The following MED19 variants were observed in gnomAD, a reference collection of about 807,000 sequenced individuals.
The protein encoded by MED19 is mediator complex subunit 19.
A neutral mutation model predicts 19.9 loss-of-function variants in MED19; 4 were observed. That is an observed-to-expected ratio of 0.20 (90% confidence interval 0.10 to 0.46). MED19 has a LOEUF of 0.46. Among genes scored for constraint, MED19 ranks in the 20% least tolerant of loss-of-function variants. The probability of loss-of-function intolerance (pLI) is 0.99; values close to 1 mark genes in which losing one functional copy is unlikely to be tolerated. For missense variants in MED19, 303 were observed against 318.7 expected, an observed-to-expected ratio of 0.95 and a Z score of 0.38; for synonymous variants, 139 against 119.6, an observed-to-expected ratio of 1.16 and a Z score of -1.06.
chr11:57,706,766 A>C (rs1340612711), intron 1 of MED19, among the ~76,000 whole-genome samples: 1 of 152,108 alleles, frequency 6.6e-6, no homozygotes, highest in South Asian at 2.1e-4. Context: ...CAACAAAAAC[A>C]AAAAAACAAG....
At chr11:57,710,372 T>C (rs575970663) in intron 1 of MED19, among the ~76,000 whole-genome samples, 1 of 152,134 alleles carries the variant, frequency 6.6e-6, no homozygotes, top group African/African-American at 2.4e-5. Context: ...TATAAAAAAA[T>C]TTTTTAAATG....
intron 4 of MED19, 55 bp from the exon 5 acceptor site, chr11:57,704,161 C>T: frequency 5.2e-6 from 8 of 1,534,016 alleles, no homozygotes; most frequent in Non-Finnish European, 6.1e-6. Context: ...TGGCTTTGAT[C>T]AGGCTGTACA....
chr11:57,704,225 A>G, intron 4 of MED19, 77 bp downstream of exon 4: 1 of 1,526,796 alleles, frequency 6.5e-7, no homozygotes, highest in Non-Finnish European at 8.7e-7. Flanking sequence ...ACTTGAGGCA[A>G]AGAACTCTAG....
At chr11:57,711,845 A>G in intron 1 of MED19, 118 bp downstream of exon 1, 3 of 1,152,882 alleles carry the variant, frequency 2.6e-6, no homozygotes, top group Non-Finnish European at 3.5e-6. Flanking sequence ...TTAGGGCTCC[A>G]CAGTCCGGGT....
At chr11:57,707,867 C>G (rs1946526117) in intron 1 of MED19, among the ~76,000 whole-genome samples, 1 of 152,200 alleles carries the variant, frequency 6.6e-6, no homozygotes, top group South Asian at 2.1e-4. Flanking sequence ...CAGTCTCGCT[C>G]TGTCACCCAG....
At chr11:57,706,740 AC>A (rs1420144742) in intron 1 of MED19, among the ~76,000 whole-genome samples, 5 of 150,512 alleles carry the variant, frequency 3.3e-5, no homozygotes, top group African/African-American at 1.2e-4. Context: ...CTCAAAAAAA[AC>A]AAAACAAAAC....
At chr11:57,703,975 G>C (rs1946478058) in exon 5 of MED19, 1 of 1,528,406 alleles carries the variant, frequency 6.5e-7, no homozygotes, top group African/African-American at 1.4e-5. Context: ...CTGGAAGGCA[G>C]CTTTTATCAG....
At chr11:57,711,963 C>G in exon 1 of MED19, 1 of 1,452,332 alleles carries the variant, frequency 6.9e-7, no homozygotes, top group South Asian at 1.4e-5. Flanking sequence ...GAGTACTCAC[C>G]TGGCAGTTCC....
intron 1 of MED19, among the ~76,000 whole-genome samples, chr11:57,709,498 A>G (rs181866411): frequency 2.0e-5 from 3 of 152,184 alleles, no homozygotes; most frequent in Middle Eastern, 3.4e-3. Context: ...CATACACCCA[A>G]TTATTCAAGC....
intron 1 of MED19, among the ~76,000 whole-genome samples, chr11:57,707,975 T>G (rs1405463019): frequency 1.3e-5 from 2 of 151,854 alleles, no homozygotes; most frequent in African/African-American, 2.4e-5. Flanking sequence ...TGGGACTACA[T>G]GCATACACTG....
chr11:57,706,659 C>T (rs973192772), intron 1 of MED19, among the ~76,000 whole-genome samples: 3 of 151,560 alleles, frequency 2.0e-5, no homozygotes, highest in Non-Finnish European at 4.4e-5. Flanking sequence ...GTAATCCCTG[C>T]GAGGCGGAGG....
chr11:57,711,944 G>C lies in MED19; in HGVS notation c.217+19C>G, dbSNP rs942766988. 1 of 1,408,252 alleles carries C rather than the reference G, an allele frequency of 7.1e-7. No individual in the cohort carries two copies. Among genetic ancestry groups the C allele is most frequent in the Non-Finnish European group, 9.3e-7 (1 of 1,074,324 alleles). The allele number at this position is 1,408,252 out of a possible 1,614,324, so 87.2% of individuals were successfully genotyped here. ...CTCTAAGATTTGATTGGCTGGCTTTGGCAAGGCCGAGTACTCACCTGGCAG... is the reference window on the plus strand; with the variant it reads ...CTCTAAGATTTGATTGGCTGGCTTTCGCAAGGCCGAGTACTCACCTGGCAG... On this transcript the variant is annotated intron_variant, in intron 1 of 4. Coordinates refer to ENST00000431606, the Ensembl canonical transcript of MED19.
chr11:57,709,327 G>C (rs1382158077), intron 1 of MED19, among the ~76,000 whole-genome samples: 1 of 151,734 alleles, frequency 6.6e-6, no homozygotes, highest in Non-Finnish European at 1.5e-5. Flanking sequence ...GTTGTGGTGA[G>C]CTGAGATTGT....
chr11:57,704,068 G>T (rs1250001510), exon 5 of MED19: 1 of 1,536,152 alleles, frequency 6.5e-7, no homozygotes, highest in Non-Finnish European at 8.7e-7. Flanking sequence ...TGCTGGCCTG[G>T]GAGCTGCCCA....
exon 2 of MED19, chr11:57,705,035 T>C (rs1347404862): frequency 6.2e-7 from 1 of 1,614,082 alleles, no homozygotes; most frequent in Non-Finnish European, 8.5e-7. Context: ...AAAGAGCTAC[T>C]GAGAATAGGG....
intron 1 of MED19, among the ~76,000 whole-genome samples, chr11:57,711,391 C>T (rs1235579632): frequency 6.6e-6 from 1 of 151,954 alleles, no homozygotes; most frequent in African/African-American, 2.4e-5. Context: ...GAGTCTCGTT[C>T]GCCCAGGCTG....
Position 57,704,466 on chromosome 11 carries a change from C to T in MED19, c.572-70G>A, listed in dbSNP as rs994264181. 5 of 1,538,976 alleles carry T rather than the reference C, an allele frequency of 3.2e-6. No individual in the cohort carries two copies. In the African/African-American group the frequency reaches 7.0e-5, roughly 21 times the overall value. On this transcript the variant is annotated intron_variant, in intron 3 of 4. Transcript: ENST00000431606. ...CTCTACTGTTATGAACCACTGAAGA[C>T]TACAGGAAAATCCCAAGTCGGGGCA...
chr11:57,712,015 C>G, exon 1 of MED19: 1 of 1,532,380 alleles, frequency 6.5e-7, no homozygotes, highest in Non-Finnish European at 8.8e-7. Flanking sequence ...CTGACTTGTC[C>G]GCGCCAGGAG....
intron 1 of MED19, among the ~76,000 whole-genome samples, chr11:57,708,034 A>G (rs1204957363): frequency 1.3e-5 from 2 of 151,666 alleles, no homozygotes; most frequent in Non-Finnish European, 1.5e-5. Context: ...GGGTCTCCCT[A>G]TGTTGCCCAG....
Sources: gnomAD v4.1 joint callset for allele counts (sites outside exome capture counted in the v4.1 genomes callset) on GRCh38, gnomAD v4.1.1 for gene constraint, MANE v1.5 for transcripts, NCBI Gene and HGNC (gene_info 2026-07-23, HGNC 2026-07-21) for gene names.